SPATA13: variants seen among roughly 807,000 people sequenced by gnomAD.
The protein encoded by SPATA13 is spermatogenesis-associated protein 13.
A neutral mutation model predicts 104.0 loss-of-function variants in SPATA13; 50 were observed. The ratio of observed to expected loss-of-function variants is 0.48; its 90% CI spans 0.38 to 0.61. The LOEUF (loss-of-function observed/expected upper bound fraction) is 0.61, where lower values mean the gene tolerates loss of function less well. Ranked by LOEUF, SPATA13 falls within the 20% of genes least tolerant of loss-of-function variation. The pLI is 0.00. For synonymous variants in SPATA13, 606 were observed against 667.5 expected (o/e 0.91, Z 1.42); for missense variants, 1,524 against 1,690.6 (o/e 0.90, Z 1.73).
At chr13:24,097,757 T>C (rs2137798232) in intron 3 of SPATA13, among the ~76,000 whole-genome samples, 1 of 152,208 alleles carries the variant, frequency 6.6e-6, no homozygotes, top group Non-Finnish European at 1.5e-5. Flanking sequence ...CCCCCCAACA[T>C]AGCCAAAGGT....
At chr13:23,991,612 A>G (rs1875421002) in intron 2 of SPATA13, among the ~76,000 whole-genome samples, 1 of 152,124 alleles carries the variant, frequency 6.6e-6, no homozygotes, top group Non-Finnish European at 1.5e-5. Flanking sequence ...TCTCCAATGC[A>G]TTGATAAGAC....
intron 3 of SPATA13, among the ~76,000 whole-genome samples, chr13:24,072,451 C>T (rs1338548978): frequency 1.3e-5 from 2 of 152,180 alleles, no homozygotes; most frequent in African/African-American, 2.4e-5. Flanking sequence ...AGTATGTGCT[C>T]GTGGCAGGGC....
At chr13:23,992,466 G>T (rs1276127729) in intron 2 of SPATA13, among the ~76,000 whole-genome samples, 5 of 152,204 alleles carry the variant, frequency 3.3e-5, no homozygotes, top group African/African-American at 1.2e-4. Context: ...TCGGTGGCAG[G>T]TGCTGGTGGT....
Position 24,302,584 on chromosome 13 carries a change from C to T in SPATA13, c.3659-14C>T. 1.3e-6 allele frequency: 2 copies of T among 1,572,334 alleles called. No individual in the cohort carries two copies. The highest frequency in any genetic ancestry group is 2.3e-5 in the South Asian group (2 of 85,980). On this transcript the variant is annotated splice_polypyrimidine_tract_variant and intron_variant, in intron 12 of 12. Coordinates refer to ENST00000382108, the MANE Select transcript of SPATA13 (RefSeq NM_001166271.3). ...CCTCAGTCCCTGTTCCATCTCTCTC[C>T]CCTCCCGAGTCAGGCTACAACAGGT...
At chr13:24,149,763 G>T (rs1356332541) in intron 3 of SPATA13, among the ~76,000 whole-genome samples, 1 of 152,234 alleles carries the variant, frequency 6.6e-6, no homozygotes, top group Non-Finnish European at 1.5e-5. Context: ...GGGGCGGATA[G>T]AGCTGGAGAG....
intron 3 of SPATA13, among the ~76,000 whole-genome samples, chr13:24,091,877 C>T (rs1329823430): frequency 6.6e-6 from 1 of 152,130 alleles, no homozygotes; most frequent in Non-Finnish European, 1.5e-5. Flanking sequence ...TTTAGGGGAG[C>T]TCTAGGCTTA....
In SPATA13 at chr13:24,109,418, T is replaced by C. The variant is rs138575046; in HGVS notation, c.-112+91717T>C. Among the ~76,000 whole-genome samples the C allele has an allele frequency of 9.2e-4, 140 of 152,304 alleles. 1 individual carries two copies. In the East Asian group the frequency reaches 0.026, roughly 28 times the overall value. ...ATGGTGAATAGTGCTGCAATAAACA[T>C]ACGTGTCAATGTGTCTTTATAGTGC... On this transcript the variant is annotated intron_variant, in intron 3 of 14. Transcript: ENST00000424834.
chr13:24,186,661 C>A (rs1869170013), intron 1 of SPATA13, among the ~76,000 whole-genome samples: 1 of 152,116 alleles, frequency 6.6e-6, no homozygotes. Flanking sequence ...TGTCAGGAGG[C>A]CAAAGCAAAG....
At chr13:24,272,576 T>A (rs1448436370) in intron 4 of SPATA13, 1 of 152,268 alleles carries the variant, frequency 6.6e-6, no homozygotes, top group Non-Finnish European at 1.5e-5. Flanking sequence ...CCTGAGGGAC[T>A]GCCTAGTGGC....
chr13:24,228,166 T>G (rs1386612918), intron 2 of SPATA13, among the ~76,000 whole-genome samples: 1 of 137,500 alleles, frequency 7.3e-6, no homozygotes. Flanking sequence ...TAGGCTGGAG[T>G]GCAGTGGCGT....
intron 2 of SPATA13, among the ~76,000 whole-genome samples, chr13:23,996,720 A>C (rs1176103302): frequency 6.6e-6 from 1 of 152,256 alleles, no homozygotes; most frequent in Admixed American, 6.5e-5. Context: ...CTTGAGGCCA[A>C]ACTTAAAATA....
At chr13:24,073,929 C>G (rs761849449) in intron 3 of SPATA13, among the ~76,000 whole-genome samples, 12 of 152,214 alleles carry the variant, frequency 7.9e-5, no homozygotes, top group Non-Finnish European at 1.6e-4. Context: ...TGCAGCCTTG[C>G]ACACCACAAT....
At chr13:24,234,158 A>G (rs1383645063) in intron 2 of SPATA13, among the ~76,000 whole-genome samples, 1 of 152,190 alleles carries the variant, frequency 6.6e-6, no homozygotes, top group Non-Finnish European at 1.5e-5. Flanking sequence ...TTTGTAATCA[A>G]CTTGTCATGA....
intron 2 of SPATA13, among the ~76,000 whole-genome samples, chr13:24,008,860 C>T (rs1308537970): frequency 6.6e-6 from 1 of 152,144 alleles, no homozygotes; most frequent in East Asian, 1.9e-4. Context: ...TGGAATGACC[C>T]ACAGGCCCCA....
chr13:24,238,183 C>G (rs1872668515), intron 2 of SPATA13, among the ~76,000 whole-genome samples: 2 of 130,164 alleles, frequency 1.5e-5, no homozygotes, highest in Non-Finnish European at 3.1e-5. Context: ...ATCTCCCAGA[C>G]TCTTGCTCTG....
intron 4 of SPATA13, among the ~76,000 whole-genome samples, chr13:24,276,117 C>T (rs554431008): frequency 6.6e-6 from 1 of 152,050 alleles, no homozygotes; most frequent in Non-Finnish European, 1.5e-5. Flanking sequence ...ACCATTTGAT[C>T]AAGTATGCTA....
chr13:24,080,916 TC>T (rs1455253528), intron 3 of SPATA13, among the ~76,000 whole-genome samples: 1 of 152,122 alleles, frequency 6.6e-6, no homozygotes, highest in Non-Finnish European at 1.5e-5. Context: ...CTGTCTTCTG[TC>T]CCCTCACCTC....
chr13:24,051,214 G>A lies in SPATA13; in HGVS notation c.-112+33513G>A, dbSNP rs2137741495. Among the ~76,000 whole-genome samples the A allele has an allele frequency of 6.6e-6, 1 of 152,306 alleles. No individual in the cohort carries two copies. The highest frequency in any genetic ancestry group is 2.4e-5 in the African/African-American group (1 of 41,550). ...CCAGTCTCCACGCAGCACATACCTTGTTGCAGTGGCCACCTGACCTTCCAA... is the reference window on the plus strand; with the variant it reads ...CCAGTCTCCACGCAGCACATACCTTATTGCAGTGGCCACCTGACCTTCCAA... On this transcript the variant is annotated intron_variant, in intron 3 of 14. Transcript: ENST00000424834. This position sits in a 1 kb window ranked among gnomAD's most constrained non-coding sequence, Gnocchi z 4.2.
Position 24,181,360 on chromosome 13 carries a change from T to C in SPATA13, c.-112+20428T>C, listed in dbSNP as rs960500189. On this transcript the variant is annotated intron_variant, in intron 1 of 12. Coordinates refer to ENST00000382108, the MANE Select transcript of SPATA13 (RefSeq NM_001166271.3). Reference sequence around the variant, plus strand: ...TATAAGCTTGTTACTTTATAAATTTTAATTTTTAAAATCTTTTACTGTTTT... The same window carrying C: ...TATAAGCTTGTTACTTTATAAATTTCAATTTTTAAAATCTTTTACTGTTTT... 2.0e-5 allele frequency among the ~76,000 whole-genome samples: 3 copies of C among 152,342 alleles called. No homozygotes were observed. In the East Asian group the frequency reaches 5.8e-4, roughly 29 times the overall value.
Sources: gnomAD v4.1 joint callset for allele counts (sites outside exome capture counted in the v4.1 genomes callset) on GRCh38, gnomAD v4.1.1 for gene constraint, Gnocchi (gnomAD v3.1) non-coding constraint, MANE v1.5 for transcripts, NCBI Gene and HGNC (gene_info 2026-07-23, HGNC 2026-07-21) for gene names.